The following CRLF2 variants were observed in gnomAD, a reference collection of about 807,000 sequenced individuals.
CRLF2 encodes the protein cytokine receptor like factor 2.
A neutral mutation model predicts 38.7 loss-of-function variants in CRLF2; 41 were observed. The observed-to-expected ratio is 1.06, with a 90% confidence interval of 0.83 to 1.37. The LOEUF is 1.37. Among genes scored for constraint, CRLF2 ranks in the 40% most tolerant of loss-of-function variants. CRLF2 has a pLI of 0.00. For missense variants in CRLF2, 377 were observed against 322.2 expected, an observed-to-expected ratio of 1.17 and a Z score of -1.30; for synonymous variants, 140 against 128.8, an observed-to-expected ratio of 1.09 and a Z score of -0.59.
At chrX:1,205,216 G>C (rs1467130895) in intron 3 of CRLF2, among the ~76,000 whole-genome samples, 1 of 152,080 alleles carries the variant, frequency 6.6e-6, no homozygotes, top group Non-Finnish European at 1.5e-5. Context: ...GTGCGTGTAA[G>C]AGGGAACTTC....
At chrX:1,207,554 A>AC (rs202050512) in intron 2 of CRLF2, among the ~76,000 whole-genome samples, 1,903 of 109,490 alleles carry the variant, frequency 0.017, 17 homozygotes, top group Middle Eastern at 0.16. Context: ...ATGAGCCAAC[A>AC]CCCCCCCCAA....
At chrX:1,191,348 T>TTCTTTCTTTCTTTCTTTCTTTC (rs1413878313) in intron 7 of CRLF2, among the ~76,000 whole-genome samples, 188 bp from the exon 8 acceptor site, 1 of 122,752 alleles carries the variant, frequency 8.1e-6, no homozygotes, top group African/African-American at 2.8e-5. Context: ...TTTCTTTCCT[T>TTCTTTCTTTCTTTCTTTCTTTC]CTTTCTTTCT....
intron 3 of CRLF2, among the ~76,000 whole-genome samples, chrX:1,204,683 G>T (rs1390698488): frequency 6.8e-6 from 1 of 147,222 alleles, no homozygotes; most frequent in Non-Finnish European, 1.5e-5. Flanking sequence ...ACCACGCCTG[G>T]CTAATTTTTT....
intron 7 of CRLF2, among the ~76,000 whole-genome samples, chrX:1,191,950 A>C (rs1340911786): frequency 2.0e-5 from 3 of 151,412 alleles, no homozygotes; most frequent in South Asian, 2.1e-4. Context: ...TTACACCTGT[A>C]ATCCCAGCAC....
intron 7 of CRLF2, among the ~76,000 whole-genome samples, chrX:1,192,137 G>A (rs1371393293): frequency 2.7e-5 from 4 of 146,092 alleles, no homozygotes; most frequent in East Asian, 2.1e-4. Flanking sequence ...CCCGGGAGGT[G>A]GAGCTTGCAG....
chrX:1,211,961 T>C lies in CRLF2; in HGVS notation c.79+595A>G, dbSNP rs189349028. On this transcript the variant is annotated intron_variant, in intron 1 of 7. Coordinates refer to ENST00000400841, the MANE Select transcript of CRLF2 (RefSeq NM_022148.4). ...GGTGGATGGATGGATGGATGGATGA[T>C]AGATGGGTGGATGGGAGGATGGATA... Among the ~76,000 whole-genome samples, 67 of 146,336 alleles carry C rather than the reference T, an allele frequency of 4.6e-4. 1 individual carries two copies. In the Admixed American group the frequency reaches 4.6e-3, roughly 10 times the overall value.
rs766020848 is a variant in CRLF2 at position 1,196,886 on chromosome X, T to A, written c.661A>T (p.Thr221Ser). ...AGCTTTGGTTTGGGAGGCGTTGGTG[T>A]CTCTGCACAGGCATCTGAAACAAAA... ...RGEIRDACAE[T>S]PTPPKPKLSK... Residue 221 changes from threonine to serine, a missense_variant, in exon 6 of 8, where the codon ACA (threonine) becomes TCA (serine). Transcript: ENST00000400841. 15 of 1,613,382 alleles carry A rather than the reference T, an allele frequency of 9.3e-6. No homozygotes were observed. The highest frequency in any genetic ancestry group is 1.7e-5 in the Admixed American group (1 of 59,900).
At chrX:1,192,718 TTC>T (rs2086410780) in intron 7 of CRLF2, among the ~76,000 whole-genome samples, 1 of 63,504 alleles carries the variant, frequency 1.6e-5, no homozygotes. Context: ...TTTTCTTTCT[TTC>T]TTTCTTTCTT....
intron 5 of CRLF2, among the ~76,000 whole-genome samples, chrX:1,197,185 C>T (rs1278331179): frequency 1.1e-4 from 16 of 150,088 alleles, no homozygotes; most frequent in East Asian, 3.9e-4. Flanking sequence ...CTCCGTCTCC[C>T]GGACTCAAGC....
chrX:1,208,995 T>A, intron 1 of CRLF2, 87 bp from the exon 2 acceptor site: 1 of 811,718 alleles, frequency 1.2e-6, no homozygotes, highest in Admixed American at 2.4e-5. Flanking sequence ...TGAGACAGAG[T>A]CTCACTCTGT....
chrX:1,197,574 G>C (rs2147829779), intron 5 of CRLF2, among the ~76,000 whole-genome samples: 1 of 152,174 alleles, frequency 6.6e-6, no homozygotes, highest in South Asian at 2.1e-4. Flanking sequence ...CCAGCACTTT[G>C]GGAGGCCGAG....
chrX:1,192,558 G>C (rs2086403457), intron 7 of CRLF2, among the ~76,000 whole-genome samples: 1 of 152,082 alleles, frequency 6.6e-6, no homozygotes, highest in South Asian at 2.1e-4. Flanking sequence ...GGAGGTTGCA[G>C]TGAGCCGAGA....
At chrX:1,192,486 G>C (rs1348260193) in intron 7 of CRLF2, among the ~76,000 whole-genome samples, 2 of 151,522 alleles carry the variant, frequency 1.3e-5, no homozygotes, top group Non-Finnish European at 2.9e-5. Flanking sequence ...TGTGGTGGCG[G>C]GCGCCTGTCA....
At chrX:1,195,878 A>G (rs2086465270) in intron 6 of CRLF2, among the ~76,000 whole-genome samples, 1 of 139,936 alleles carries the variant, frequency 7.1e-6, no homozygotes, top group Non-Finnish European at 1.5e-5. Context: ...TTAAATATAT[A>G]TTTTATATAG....
intron 1 of CRLF2, among the ~76,000 whole-genome samples, chrX:1,210,559 C>T (rs1402190682): frequency 2.0e-5 from 3 of 152,124 alleles, no homozygotes; most frequent in Admixed American, 1.3e-4. Context: ...ATCCGCCCAC[C>T]TCGGCCTCCC....
intron 6 of CRLF2, among the ~76,000 whole-genome samples, chrX:1,194,628 G>A (rs1442470966): frequency 0.45 from 68,253 of 151,674 alleles, 15,692 homozygotes; most frequent in East Asian, 0.66. Context: ...TCTAATCACC[G>A]ACCTCACAAC....
chrX:1,199,482 G>C (rs1399231000), intron 4 of CRLF2, among the ~76,000 whole-genome samples: 3 of 151,930 alleles, frequency 2.0e-5, no homozygotes, highest in Non-Finnish European at 2.9e-5. Context: ...TGTATTTCTA[G>C]TAGAGATGAG....
Position 1,196,723 on chromosome X carries a change from T to G in CRLF2, c.767+57A>C, listed in dbSNP as rs759657527. On this transcript the variant is annotated intron_variant, in intron 6 of 7. Transcript: ENST00000400841. ...CAGGCGATTAATCTTTTTTCGTACTTCACAGACATTGTGCAAGCAGGTCCC... is the reference window on the plus strand; with the variant it reads ...CAGGCGATTAATCTTTTTTCGTACTGCACAGACATTGTGCAAGCAGGTCCC... 2.6e-4 allele frequency: 408 copies of G among 1,595,512 alleles called. 6 individuals are homozygous for G. In the South Asian group the frequency reaches 4.4e-3, roughly 17 times the overall value.
At chrX:1,201,328 G>A (rs1447630882) in intron 4 of CRLF2, among the ~76,000 whole-genome samples, 1 of 126,244 alleles carries the variant, frequency 7.9e-6, no homozygotes, top group Non-Finnish European at 1.7e-5. Context: ...CTGTGTGCCT[G>A]TGTTTGTGTG....
Sources: allele counts gnomAD v4.1 joint callset (sites outside exome capture counted in the v4.1 genomes callset), GRCh38; gene constraint gnomAD v4.1.1; transcripts MANE v1.5; gene names NCBI Gene and HGNC (gene_info 2026-07-23, HGNC 2026-07-21).